Variants in EDIL3 observed in about 807,000 individuals in gnomAD.
EDIL3 encodes EGF-like repeat and discoidin I-like domain-containing protein 3.
EDIL3 carries 37 observed loss-of-function variants against 67.4 expected under a neutral mutation model. The observed-to-expected ratio is 0.55, with a 90% CI of 0.42 to 0.72. EDIL3 has a LOEUF of 0.72. EDIL3 is among the 30% of genes least tolerant of loss of function. The pLI, the probability that EDIL3 is intolerant of heterozygous loss-of-function variation, is 0.00. For synonymous variants in EDIL3, 195 were observed against 196.3 expected (o/e 0.99, Z 0.05); for missense variants, 527 against 586.3 (o/e 0.90, Z 1.04).
At chr5:84,156,907 T>C (rs191558458) in intron 4 of EDIL3, among the ~76,000 whole-genome samples, 2,023 of 152,222 alleles carry the variant, frequency 0.013, 18 homozygotes, top group Non-Finnish European at 0.022. Context: ...TATATTCATT[T>C]GAGACACTAG....
At chr5:84,273,578 G>A (rs982678971) in intron 1 of EDIL3, among the ~76,000 whole-genome samples, 3 of 152,178 alleles carry the variant, frequency 2.0e-5, no homozygotes, top group Non-Finnish European at 4.4e-5. Flanking sequence ...GTGTTACTTA[G>A]GTCTTAAATA....
rs539247636 is a variant in EDIL3, at chr5:84,336,789, TA to T, written c.67+47518del. Among the ~76,000 whole-genome samples, 198 of 152,272 alleles carry T rather than the reference TA, an allele frequency of 1.3e-3. 1 individual carries two copies. The highest frequency in any genetic ancestry group is 2.1e-3 in the Non-Finnish European group (145 of 68,012). On this transcript the variant is annotated intron_variant, in intron 1 of 10. Transcript: ENST00000296591. ...GGTAAGTTTATTTATCTTAGATAAT[TA>T]AATAGAGTTTCAAAATGTGATGCCA... is the stretch of plus-strand genomic sequence containing the variant.
chr5:83,997,662 T>C (rs1745258136), intron 9 of EDIL3, among the ~76,000 whole-genome samples: 1 of 152,164 alleles, frequency 6.6e-6, no homozygotes, highest in Non-Finnish European at 1.5e-5. Context: ...ACTGAGTTGT[T>C]AACAAAGACT....
intron 9 of EDIL3, among the ~76,000 whole-genome samples, chr5:83,988,322 T>C (rs1341362036): frequency 6.6e-6 from 1 of 152,308 alleles, no homozygotes; most frequent in South Asian, 2.1e-4. Flanking sequence ...CAACTTCTTT[T>C]TGAAAGACAA....
intron 9 of EDIL3, among the ~76,000 whole-genome samples, chr5:83,965,985 C>T (rs1478258047): frequency 6.6e-6 from 1 of 152,072 alleles, no homozygotes; most frequent in Non-Finnish European, 1.5e-5. Context: ...AGAACTCACC[C>T]TGAGAGGCAC....
intron 1 of EDIL3, among the ~76,000 whole-genome samples, chr5:84,282,421 A>G (rs1026819326): frequency 2.0e-5 from 3 of 152,156 alleles, no homozygotes; most frequent in African/African-American, 7.2e-5. Flanking sequence ...TTTGAAATTT[A>G]TCCGTTTTAC....
intron 1 of EDIL3, among the ~76,000 whole-genome samples, chr5:84,295,881 A>G (rs1324971104): frequency 6.6e-6 from 1 of 152,206 alleles, no homozygotes; most frequent in Non-Finnish European, 1.5e-5. Context: ...CAGCAATCAT[A>G]TAGGAAGGAA....
chr5:84,061,104 G>T (rs1238117745), intron 8 of EDIL3, among the ~76,000 whole-genome samples: 1 of 152,028 alleles, frequency 6.6e-6, no homozygotes, highest in Admixed American at 6.6e-5. Flanking sequence ...CAGGCATTGT[G>T]CAAGCATAAT....
At chr5:83,987,876 T>TATATATATATAC (rs1255798558) in intron 9 of EDIL3, among the ~76,000 whole-genome samples, 5 of 148,132 alleles carry the variant, frequency 3.4e-5, no homozygotes, top group African/African-American at 1.2e-4. Context: ...TATGTATATA[T>TATATATATATAC]ATATATATAT....
intron 4 of EDIL3, among the ~76,000 whole-genome samples, chr5:84,174,913 G>A (rs542675916): frequency 9.2e-5 from 14 of 152,242 alleles, no homozygotes; most frequent in African/African-American, 3.1e-4. Flanking sequence ...AGAATGATAC[G>A]ATAAAAATGT....
chr5:84,135,096 G>C lies in EDIL3; in HGVS notation c.469+2145C>G, dbSNP rs537064019. On this transcript the variant is annotated intron_variant, in intron 5 of 10. Transcript: ENST00000296591. ...CATCCCCAGCCTATCCACTCGACCT[G>C]TTTCCCTATTCCTCCATGCCCTAGA... Among the ~76,000 whole-genome samples, 154 of 152,162 alleles carry C rather than the reference G, an allele frequency of 1.0e-3. 2 individuals are homozygous for C. The Middle Eastern group carries it at 0.014, about 13-fold the overall frequency.
In EDIL3 at chr5:84,314,638, A is replaced by G. The variant is rs369331401; in HGVS notation, c.68-60426T>C. 4.7e-4 allele frequency among the ~76,000 whole-genome samples: 72 copies of G among 152,334 alleles called. No individual in the cohort carries two copies. In the South Asian group the frequency reaches 0.014, roughly 30 times the overall value. On this transcript the variant is annotated intron_variant, in intron 1 of 10. Coordinates refer to ENST00000296591, the MANE Select transcript of EDIL3 (RefSeq NM_005711.5). ...TCCTTCCAAAACACGTTGAAGATAA[A>G]TTGTCATAATTTAATCCTTTCCATT...
intron 9 of EDIL3, among the ~76,000 whole-genome samples, chr5:83,965,532 G>C (rs1744673572): frequency 6.6e-6 from 1 of 152,064 alleles, no homozygotes; most frequent in Non-Finnish European, 1.5e-5. Flanking sequence ...CTCAAACAGT[G>C]TCACCAAGAA....
intron 8 of EDIL3, among the ~76,000 whole-genome samples, chr5:84,061,826 C>G (rs1306182742): frequency 6.6e-6 from 1 of 152,132 alleles, no homozygotes; most frequent in East Asian, 1.9e-4. Flanking sequence ...ATCAGCATAT[C>G]AACAAGTACT....
At chr5:84,328,058 T>C (rs554380088) in intron 1 of EDIL3, among the ~76,000 whole-genome samples, 5 of 152,048 alleles carry the variant, frequency 3.3e-5, no homozygotes, top group African/African-American at 4.8e-5. Flanking sequence ...CAGCGCTTAT[T>C]AATGGTCTTT....
intron 1 of EDIL3, among the ~76,000 whole-genome samples, chr5:84,303,837 TG>T (rs1746210708): frequency 6.8e-6 from 1 of 148,040 alleles, no homozygotes; most frequent in African/African-American, 2.5e-5. Context: ...TGTGTGTGTG[TG>T]TGTGTGTGTG....
chr5:84,215,622 G>C (rs1009432736), intron 3 of EDIL3, among the ~76,000 whole-genome samples: 1 of 152,194 alleles, frequency 6.6e-6, no homozygotes, highest in South Asian at 2.1e-4. Flanking sequence ...ACAAAGTGGA[G>C]AATGTGTGAA....
chr5:84,229,975 T>C, intron 2 of EDIL3, 91 bp from the exon 3 acceptor site: 1 of 1,205,900 alleles, frequency 8.3e-7, no homozygotes, highest in Non-Finnish European at 1.2e-6. Context: ...AAAGAGATAT[T>C]GAGATTGAAC....
At chr5:84,381,628 T>C (rs1183467615) in intron 1 of EDIL3, among the ~76,000 whole-genome samples, 1 of 152,162 alleles carries the variant, frequency 6.6e-6, no homozygotes, top group Non-Finnish European at 1.5e-5. Flanking sequence ...CAAATGCCAA[T>C]GATTCATAGT....
Sources: gnomAD v4.1 joint callset for allele counts (sites outside exome capture counted in the v4.1 genomes callset) on GRCh38, gnomAD v4.1.1 for gene constraint, MANE v1.5 for transcripts, NCBI Gene and HGNC (gene_info 2026-07-23, HGNC 2026-07-21) for gene names.